The following MINDY3 variants were observed in gnomAD, a reference collection of about 807,000 sequenced individuals.
MINDY3 encodes the protein MINDY lysine 48 deubiquitinase 3, also known as ubiquitin carboxyl-terminal hydrolase MINDY-3.
Under a neutral mutation model 69.2 loss-of-function variants are expected in MINDY3, and 38 were observed. The observed-to-expected ratio is 0.55, with a 90% CI of 0.42 to 0.72. The LOEUF (loss-of-function observed/expected upper bound fraction) is 0.72. Ranked by LOEUF, MINDY3 falls within the 30% of genes least tolerant of loss-of-function variation. MINDY3 has a pLI of 0.00. For missense variants in MINDY3, 522 were observed against 519.0 expected (o/e 1.01, Z -0.06); for synonymous variants, 192 against 180.1 (o/e 1.07, Z -0.53).
At position 15,799,280 on chromosome 10, in the gene MINDY3, A is replaced by G. The variant is rs183020877; in HGVS notation, c.883-3108T>C. On this transcript the variant is annotated intron_variant, in intron 10 of 14. Coordinates refer to ENST00000277632, the MANE Select transcript of MINDY3 (RefSeq NM_024948.4). Reference sequence around the variant, plus strand: ...AGTGGTGTGATCTTGCCTCACTGCAACCTCCACCTCCCAGGTTCAAGCAAA... The same window carrying G: ...AGTGGTGTGATCTTGCCTCACTGCAGCCTCCACCTCCCAGGTTCAAGCAAA... Among the ~76,000 whole-genome samples the G allele has an allele frequency of 3.1e-3, 471 of 151,902 alleles. 4 individuals carry two copies. The highest frequency in any genetic ancestry group is 0.011 in the African/African-American group (456 of 41,422).
intron 10 of MINDY3, among the ~76,000 whole-genome samples, chr10:15,815,642 C>G (rs551795073): frequency 6.6e-6 from 1 of 152,248 alleles, no homozygotes; most frequent in East Asian, 1.9e-4. Flanking sequence ...AGATGTTTAA[C>G]GTATGTTTCT....
At chr10:15,845,273 G>A (rs1033761275) in intron 2 of MINDY3, among the ~76,000 whole-genome samples, 5 of 151,508 alleles carry the variant, frequency 3.3e-5, no homozygotes, top group Admixed American at 6.6e-5. Flanking sequence ...TTCCTGGTGT[G>A]ACAAATTCCT....
intron 1 of MINDY3, among the ~76,000 whole-genome samples, chr10:15,851,367 T>G (rs1182903426): frequency 6.6e-6 from 1 of 152,136 alleles, no homozygotes; most frequent in East Asian, 1.9e-4. Context: ...TGGTCCTGTA[T>G]TATCTGGCTC....
At chr10:15,811,182 A>G (rs1838972995) in intron 10 of MINDY3, among the ~76,000 whole-genome samples, 1 of 152,140 alleles carries the variant, frequency 6.6e-6, no homozygotes, top group Non-Finnish European at 1.5e-5. Context: ...ACAACTCAAT[A>G]AGAAAATCAA....
intron 1 of MINDY3, among the ~76,000 whole-genome samples, chr10:15,858,332 G>C (rs1834840803): frequency 6.6e-6 from 1 of 152,124 alleles, no homozygotes; most frequent in Non-Finnish European, 1.5e-5. Context: ...ATTAAAGGTG[G>C]CAGAGCGTTC....
At position 15,816,904 on chromosome 10, in the gene MINDY3, G is replaced by T; in HGVS notation, c.813C>A (p.Tyr271Ter). Reference sequence around the variant, plus strand: ...AAATAGGGAATTTTGGAGATTTCAAGTAAGAACCAACCTAGAACAAATGTA... The same window carrying T: ...AAATAGGGAATTTTGGAGATTTCAATTAAGAACCAACCTAGAACAAATGTA... ...EALRYCKVGS[Y>*]LKSPKFPIWI... Residue 271 changes from tyrosine (Y) to a stop codon, truncating the protein, a stop_gained, in exon 10 of 15, where the codon TAC becomes TAA. Coordinates refer to ENST00000277632, the MANE Select transcript of MINDY3 (RefSeq NM_024948.4). LOFTEE classifies it high-confidence loss of function. 1 of 1,612,116 alleles carries T rather than the reference G, an allele frequency of 6.2e-7. No individual in the cohort carries two copies. The highest frequency in any genetic ancestry group is 1.1e-5 in the South Asian group (1 of 90,926).
At chr10:15,789,351 A>G (rs1388374994) in intron 11 of MINDY3, 32 bp from the exon 12 acceptor site, 3 of 1,525,268 alleles carry the variant, frequency 2.0e-6, no homozygotes, top group South Asian at 1.1e-5. Context: ...ACAACTTGAA[A>G]TAAGAATTTA....
At chr10:15,824,903 T>G (rs1839989607) in intron 8 of MINDY3, among the ~76,000 whole-genome samples, 1 of 152,236 alleles carries the variant, frequency 6.6e-6, no homozygotes, top group Non-Finnish European at 1.5e-5. Flanking sequence ...AAAAATGTAT[T>G]ATGCCTGTTT....
intron 10 of MINDY3, among the ~76,000 whole-genome samples, chr10:15,804,493 C>A (rs566528969): frequency 6.6e-6 from 1 of 152,232 alleles, no homozygotes; most frequent in Admixed American, 6.5e-5. Context: ...TTAAGCCTTT[C>A]ATCGTTATGA....
At chr10:15,783,200 C>A (rs1167938251) in intron 13 of MINDY3, among the ~76,000 whole-genome samples, 1 of 152,178 alleles carries the variant, frequency 6.6e-6, no homozygotes, top group Non-Finnish European at 1.5e-5. Context: ...TGTTCAAGGA[C>A]TCCAGGAGCA....
intron 4 of MINDY3, among the ~76,000 whole-genome samples, chr10:15,838,636 A>T (rs1278776528): frequency 6.6e-6 from 1 of 151,694 alleles, no homozygotes; most frequent in South Asian, 2.1e-4. Context: ...AATCCAAGTA[A>T]TATCATCAGA....
intron 1 of MINDY3, among the ~76,000 whole-genome samples, chr10:15,849,405 C>G (rs1283716423): frequency 6.6e-6 from 1 of 150,942 alleles, no homozygotes; most frequent in Non-Finnish European, 1.5e-5. Flanking sequence ...AGGACTTAAC[C>G]AGCAGAGATC....
At chr10:15,848,934 C>T (rs1588651073) in intron 1 of MINDY3, among the ~76,000 whole-genome samples, 1 of 152,156 alleles carries the variant, frequency 6.6e-6, no homozygotes, top group Non-Finnish European at 1.5e-5. Context: ...ACTATTCAGA[C>T]ATTCAGCCAA....
intron 10 of MINDY3, among the ~76,000 whole-genome samples, chr10:15,810,865 C>A (rs916949837): frequency 6.6e-6 from 1 of 151,894 alleles, no homozygotes; most frequent in South Asian, 2.1e-4. Context: ...GACAAACAAC[C>A]CAATTAAAAA....
chr10:15,845,089 TAG>T (rs140612762), intron 2 of MINDY3, among the ~76,000 whole-genome samples: 23,943 of 152,134 alleles, frequency 0.16, 2,368 homozygotes, highest in South Asian at 0.24. Flanking sequence ...CTGTTTCTCT[TAG>T]AGTGTTGATG....
rs772918739 is a variant in MINDY3 at position 15,778,979 on chromosome 10, ATACT to A, written c.*9_*12del. ...TCTGTTATTAAGATCTTCCTTATAA[ATACT>A]TAGACAAATTAATTTAGTGAAGGAG... On this transcript the variant is annotated 3_prime_UTR_variant, in exon 15 of 15. Transcript: ENST00000277632. The A allele has an allele frequency of 1.6e-5, 26 of 1,607,726 alleles. No individual in the cohort carries two copies. The highest frequency in any genetic ancestry group is 2.1e-5 in the Non-Finnish European group (25 of 1,176,168).
At chr10:15,804,790 C>A (rs1838516165) in intron 10 of MINDY3, among the ~76,000 whole-genome samples, 1 of 152,084 alleles carries the variant, frequency 6.6e-6, no homozygotes, top group South Asian at 2.1e-4. Context: ...AAACACAGAA[C>A]GTCATTAGTG....
chr10:15,855,889 A>G (rs539906872), intron 1 of MINDY3, among the ~76,000 whole-genome samples: 12 of 152,160 alleles, frequency 7.9e-5, no homozygotes, highest in Middle Eastern at 3.2e-3. Flanking sequence ...TAGTACAAAT[A>G]TAAGATATTA....
chr10:15,828,979 A>G (rs893189102), intron 8 of MINDY3, among the ~76,000 whole-genome samples: 9 of 152,160 alleles, frequency 5.9e-5, no homozygotes, highest in Non-Finnish European at 1.2e-4. Flanking sequence ...ACTTGCCTTG[A>G]AGGGTTGTTG....
Sources: allele counts gnomAD v4.1 joint callset (sites outside exome capture counted in the v4.1 genomes callset), GRCh38; gene constraint gnomAD v4.1.1; transcripts MANE v1.5; gene names NCBI Gene and HGNC (gene_info 2026-07-23, HGNC 2026-07-21).